Variants in CADM2 observed in about 807,000 individuals in gnomAD.
The protein encoded by CADM2 is cell adhesion molecule 2, also known as immunoglobulin superfamily member 4D.
Under a neutral mutation model 49.8 loss-of-function variants are expected in CADM2, and 12 were observed. The observed-to-expected ratio is 0.24, with a 90% CI of 0.15 to 0.39. CADM2 has a LOEUF of 0.39. Among genes scored for constraint, CADM2 ranks in the 10% least tolerant of loss-of-function variants. The pLI is 1.00. For synonymous variants in CADM2, 214 were observed against 175.4 expected, an observed-to-expected ratio of 1.22 and a Z score of -1.74; for missense variants, 378 against 492.3, an observed-to-expected ratio of 0.77 and a Z score of 2.20.
intron 1 of CADM2, among the ~76,000 whole-genome samples, chr3:85,089,635 C>T (rs2037517357): frequency 6.6e-6 from 1 of 152,124 alleles, no homozygotes; most frequent in Non-Finnish European, 1.5e-5. Context: ...GGTTTAAGGA[C>T]TGAAAAGTAT....
intron 1 of CADM2, among the ~76,000 whole-genome samples, chr3:85,483,367 T>G (rs1235253174): frequency 2.6e-5 from 4 of 151,384 alleles, no homozygotes; most frequent in Non-Finnish European, 4.4e-5. Flanking sequence ...TCATTTCTTA[T>G]GAAATTTTGC....
At chr3:85,693,042 AC>A (rs2066434469) in intron 1 of CADM2, among the ~76,000 whole-genome samples, 1 of 151,976 alleles carries the variant, frequency 6.6e-6, no homozygotes, top group Admixed American at 6.6e-5. Context: ...ATCCTAGCCA[AC>A]ATGGTAACCA....
chr3:85,383,535 T>TATATAC (rs1331859901), intron 1 of CADM2, among the ~76,000 whole-genome samples: 3 of 145,794 alleles, frequency 2.1e-5, no homozygotes, highest in Non-Finnish European at 4.5e-5. Context: ...TATATATATA[T>TATATAC]ATACATATAT....
intron 8 of CADM2, among the ~76,000 whole-genome samples, chr3:86,023,373 T>TTTG (rs1048946628): frequency 2.9e-4 from 6 of 20,876 alleles, no homozygotes; most frequent in Admixed American, 2.3e-3. Context: ...TGTTTGTTTG[T>TTTG]TTTGTTTTGT....
At chr3:85,811,432 A>C (rs2072871175) in intron 3 of CADM2, among the ~76,000 whole-genome samples, 1 of 152,196 alleles carries the variant, frequency 6.6e-6, no homozygotes, top group Non-Finnish European at 1.5e-5. Context: ...TTATCATTCA[A>C]CAAATATTTG....
chr3:85,503,149 AAAAT>A (rs1409491650), intron 1 of CADM2, among the ~76,000 whole-genome samples: 1 of 152,164 alleles, frequency 6.6e-6, no homozygotes, highest in African/African-American at 2.4e-5. Flanking sequence ...ACAATTCAGA[AAAAT>A]AGTGGAATTA....
intron 1 of CADM2, among the ~76,000 whole-genome samples, chr3:85,214,706 A>T (rs2041880156): frequency 6.6e-6 from 1 of 151,858 alleles, no homozygotes; most frequent in Admixed American, 6.6e-5. Flanking sequence ...CCTTTCCTCA[A>T]GCAGAGCAGT....
intron 2 of CADM2, among the ~76,000 whole-genome samples, chr3:85,755,033 T>C (rs1389655801): frequency 6.6e-6 from 1 of 152,214 alleles, no homozygotes; most frequent in Non-Finnish European, 1.5e-5. Context: ...TTGATGTTTT[T>C]TACAAAAACT....
chr3:85,878,282 A>C (rs977825565), intron 3 of CADM2, among the ~76,000 whole-genome samples: 1 of 152,056 alleles, frequency 6.6e-6, no homozygotes, highest in Non-Finnish European at 1.5e-5. Flanking sequence ...GTAGCATAGG[A>C]GTTTTACCTC....
chr3:85,514,283 T>C (rs934024378), intron 1 of CADM2, among the ~76,000 whole-genome samples: 1 of 152,092 alleles, frequency 6.6e-6, no homozygotes, highest in Non-Finnish European at 1.5e-5. Flanking sequence ...CTACTGTTTA[T>C]TTGATTCTCT....
chr3:85,787,224 A>C (rs1371093489), intron 2 of CADM2, among the ~76,000 whole-genome samples: 1 of 152,130 alleles, frequency 6.6e-6, no homozygotes, highest in Non-Finnish European at 1.5e-5. Context: ...ATGTGAGCAT[A>C]TAGATAACAA....
intron 1 of CADM2, among the ~76,000 whole-genome samples, chr3:85,093,845 G>C (rs2037693534): frequency 1.3e-5 from 2 of 152,034 alleles, no homozygotes; most frequent in African/African-American, 4.8e-5. Context: ...TGTGCTGTGT[G>C]CTGGGAGAGG....
chr3:85,417,265 T>C (rs1280592751), intron 1 of CADM2, among the ~76,000 whole-genome samples: 1 of 152,184 alleles, frequency 6.6e-6, no homozygotes, highest in East Asian at 1.9e-4. Flanking sequence ...AAATTTACTC[T>C]ACAAAATCCT....
chr3:85,167,568 T>G (rs1279072974), intron 1 of CADM2, among the ~76,000 whole-genome samples: 1 of 152,116 alleles, frequency 6.6e-6, no homozygotes, highest in African/African-American at 2.4e-5. Flanking sequence ...CCTTATAAAC[T>G]AGGAGGTGTG....
intron 1 of CADM2, among the ~76,000 whole-genome samples, chr3:85,554,729 T>C (rs2061906243): frequency 6.6e-6 from 1 of 152,152 alleles, no homozygotes; most frequent in African/African-American, 2.4e-5. Flanking sequence ...AAATTCTTGC[T>C]GTGTTGCCTA....
chr3:85,945,602 T>A (rs1309370587), intron 7 of CADM2, among the ~76,000 whole-genome samples: 1 of 152,130 alleles, frequency 6.6e-6, no homozygotes, highest in Non-Finnish European at 1.5e-5. Context: ...GCTTCATCCC[T>A]GGGATGCAAG....
intron 1 of CADM2, among the ~76,000 whole-genome samples, chr3:85,059,185 G>T (rs1255612391): frequency 6.6e-6 from 1 of 151,844 alleles, no homozygotes; most frequent in East Asian, 1.9e-4. Flanking sequence ...CTTGCAGTGA[G>T]CCGAGATCGC....
In CADM2 at chr3:85,446,992, A is replaced by ATATG. The variant is rs2037492668; in HGVS notation, c.62-279527_62-279526insGTAT. Among the ~76,000 whole-genome samples, 3 of 5,898 alleles carry ATATG rather than the reference A, an allele frequency of 5.1e-4. No individual in the cohort carries two copies. The South Asian group carries it at 0.013, about 25-fold the overall frequency. 3.9% of individuals were successfully genotyped at this position (5,898 alleles called of 152,430 possible). A position where few individuals can be genotyped will look rare whatever the true frequency, so the allele number is the denominator to read the frequency against. On this transcript the variant is annotated intron_variant, in intron 1 of 9. Transcript: ENST00000383699. ...ATGACTTAAGCCTAATATGTATTGC[A>ATATG]TATATATATATATATATATATATAT... is the stretch of plus-strand genomic sequence containing the variant.
chr3:85,840,733 T>C (rs557535847), intron 3 of CADM2, among the ~76,000 whole-genome samples: 1 of 152,044 alleles, frequency 6.6e-6, no homozygotes, highest in East Asian at 1.9e-4. Flanking sequence ...GCCTATATCA[T>C]AATTAATGCA....
Sources: allele counts gnomAD v4.1 joint callset (sites outside exome capture counted in the v4.1 genomes callset), GRCh38; gene constraint gnomAD v4.1.1; transcripts MANE v1.5; gene names NCBI Gene and HGNC (gene_info 2026-07-23, HGNC 2026-07-21).